MAST4: variants seen among roughly 807,000 people sequenced by gnomAD.
MAST4 encodes microtubule-associated serine/threonine-protein kinase 4.
A neutral mutation model predicts 162.7 loss-of-function variants in MAST4; 89 were observed. The ratio of observed to expected loss-of-function variants is 0.55; its 90% CI spans 0.46 to 0.65. The LOEUF (loss-of-function observed/expected upper bound fraction) is 0.65, where lower values mean the gene tolerates loss of function less well. Ranked by LOEUF, MAST4 falls within the 30% of genes least tolerant of loss-of-function variation. MAST4 has a pLI of 0.00. For synonymous variants in MAST4, 1,479 were observed against 1,361.1 expected (o/e 1.09, Z -1.91); for missense variants, 3,153 against 3,374.0 (o/e 0.93, Z 1.62).
At chr5:66,891,834 A>G (rs900088778) in intron 3 of MAST4, among the ~76,000 whole-genome samples, 5 of 152,196 alleles carry the variant, frequency 3.3e-5, no homozygotes, top group African/African-American at 1.2e-4. Flanking sequence ...CACAAGTTAA[A>G]CTGGTTTAAA....
chr5:66,868,457 A>G (rs1021604994), intron 3 of MAST4, among the ~76,000 whole-genome samples: 2 of 146,090 alleles, frequency 1.4e-5, no homozygotes, highest in African/African-American at 5.0e-5. Flanking sequence ...GTATATACGT[A>G]TATGTATATA....
chr5:67,136,529 C>A, intron 18 of MAST4, 34 bp from the exon 19 acceptor site: 1 of 1,508,798 alleles, frequency 6.6e-7, no homozygotes, highest in Non-Finnish European at 9.1e-7. Flanking sequence ...CTCTTGTGAA[C>A]AATATGGTTA....
chr5:67,113,911 T>G (rs974899071), intron 11 of MAST4, among the ~76,000 whole-genome samples, 176 bp from the exon 12 acceptor site: 3 of 152,226 alleles, frequency 2.0e-5, no homozygotes, highest in Admixed American at 2.0e-4. Context: ...AGAATATGAA[T>G]AGGCTTCAAA....
intron 4 of MAST4, among the ~76,000 whole-genome samples, chr5:66,922,251 A>G (rs926956568): frequency 3.3e-5 from 5 of 152,164 alleles, no homozygotes; most frequent in African/African-American, 1.2e-4. Context: ...CCCTGCTATC[A>G]TGTCTTCTTC....
At chr5:67,080,760 C>T (rs912941134) in intron 5 of MAST4, among the ~76,000 whole-genome samples, 15 of 149,944 alleles carry the variant, frequency 1.0e-4, no homozygotes, top group Middle Eastern at 3.2e-3. Flanking sequence ...TTACATGGAC[C>T]GTATAATAGG....
intron 4 of MAST4, among the ~76,000 whole-genome samples, chr5:66,919,660 G>GAAAAAAAA (rs56802433): frequency 7.2e-5 from 7 of 96,910 alleles, no homozygotes; most frequent in African/African-American, 1.9e-4. Context: ...CTCCGTCACA[G>GAAAAAAAA]AAAAAAAAAA....
chr5:66,948,807 A>G (rs575688402), intron 4 of MAST4, among the ~76,000 whole-genome samples: 14 of 152,194 alleles, frequency 9.2e-5, no homozygotes, highest in African/African-American at 3.4e-4. Flanking sequence ...TTTTTTAGCT[A>G]ATTAGCTCTT....
intron 4 of MAST4, among the ~76,000 whole-genome samples, chr5:66,955,239 A>C (rs975748567): frequency 2.0e-5 from 3 of 151,148 alleles, no homozygotes; most frequent in African/African-American, 7.3e-5. Context: ...GAAACACTAG[A>C]TGAGGGAGCC....
intron 24 of MAST4, among the ~76,000 whole-genome samples, chr5:67,151,165 A>G (rs1030610301): frequency 4.6e-5 from 7 of 152,240 alleles, no homozygotes; most frequent in Admixed American, 2.0e-4. Context: ...TGAAACAAGG[A>G]TATGAACTAA....
At chr5:67,049,041 ACGTG>A (rs375738753) in intron 4 of MAST4, among the ~76,000 whole-genome samples, 2,633 of 78,244 alleles carry the variant, frequency 0.034, 237 homozygotes, top group African/African-American at 0.14. Flanking sequence ...ATATATATAT[ACGTG>A]TATATATATA....
intron 3 of MAST4, among the ~76,000 whole-genome samples, chr5:66,808,301 C>T (rs1334469224): frequency 1.3e-5 from 2 of 152,188 alleles, no homozygotes; most frequent in East Asian, 3.8e-4. Flanking sequence ...TGTTAAATGG[C>T]AGGTCCCATT....
At chr5:67,107,370 G>A (rs1051013740) in intron 10 of MAST4, among the ~76,000 whole-genome samples, 4 of 152,140 alleles carry the variant, frequency 2.6e-5, no homozygotes, top group African/African-American at 9.7e-5. Context: ...GATTTTTAAA[G>A]AAATTTCTTT....
intron 1 of MAST4, among the ~76,000 whole-genome samples, chr5:66,613,225 C>A (rs1264203961): frequency 6.6e-6 from 1 of 152,054 alleles, no homozygotes; most frequent in East Asian, 1.9e-4. Flanking sequence ...CCAATTAATA[C>A]CATCTAAGTC....
chr5:66,624,343 T>C (rs2149411822), intron 1 of MAST4, among the ~76,000 whole-genome samples: 1 of 151,840 alleles, frequency 6.6e-6, no homozygotes, highest in African/African-American at 2.4e-5. Flanking sequence ...TTAGTAGAGA[T>C]GGGGTTTCAC....
chr5:67,165,150 G>A lies in MAST4; in HGVS notation c.5971G>A (p.Asp1991Asn), dbSNP rs1355237353. The A allele has an allele frequency of 6.9e-6, 11 of 1,595,834 alleles. No individual in the cohort carries two copies. The highest frequency in any genetic ancestry group is 9.4e-6 in the Non-Finnish European group (11 of 1,171,098). ...AAGCGAGCGCTCTGCTGCGAGGGCTGACACATGCAGAGAGCCCTCCATGGA... is the reference window on the plus strand; with the variant it reads ...AAGCGAGCGCTCTGCTGCGAGGGCTAACACATGCAGAGAGCCCTCCATGGA... ...ARSERSAARA[D>N]TCREPSMELC... Residue 1991 changes from aspartate to asparagine, a missense_variant, in exon 29 of 29, where the codon GAC (aspartate) becomes AAC (asparagine). By Grantham distance (23) the Asp-to-Asn change is conservative (BLOSUM62 1). Around this residue, in one of 7 missense-constraint regions of MAST4, gnomAD observed 1,644 missense variants for 1,495.0 expected, o/e 1.10. Transcript: ENST00000403625.
chr5:66,641,016 A>G (rs894364393), intron 1 of MAST4, among the ~76,000 whole-genome samples: 15 of 152,082 alleles, frequency 9.9e-5, no homozygotes, highest in African/African-American at 3.4e-4. Flanking sequence ...CTTTTGAGAC[A>G]TGTCTCTTTA....
chr5:66,933,618 C>A (rs138951106), intron 4 of MAST4, among the ~76,000 whole-genome samples: 5,204 of 152,184 alleles, frequency 0.034, 128 homozygotes, highest in Non-Finnish European at 0.053. Flanking sequence ...CTTCCTAAAT[C>A]TTAGGCTTCT....
intron 1 of MAST4, among the ~76,000 whole-genome samples, chr5:66,688,382 C>T (rs994636811): frequency 6.6e-6 from 1 of 152,172 alleles, no homozygotes; most frequent in Non-Finnish European, 1.5e-5. Context: ...GTCATATCTC[C>T]TGAAGTGCTA....
intron 1 of MAST4, among the ~76,000 whole-genome samples, chr5:66,746,751 T>A (rs1415153694): frequency 6.6e-6 from 1 of 152,120 alleles, no homozygotes; most frequent in African/African-American, 2.4e-5. Flanking sequence ...CAGGCATAGA[T>A]CAAACACCTA....
Sources: allele counts gnomAD v4.1 joint callset (sites outside exome capture counted in the v4.1 genomes callset), GRCh38; gene constraint gnomAD v4.1.1; regional missense constraint gnomAD v4.1.1; transcripts MANE v1.5; gene names NCBI Gene and HGNC (gene_info 2026-07-23, HGNC 2026-07-21).